The following USP7 variants were observed in gnomAD, a reference collection of about 807,000 sequenced individuals.
The protein encoded by USP7 is ubiquitin specific peptidase 7.
USP7 carries 9 observed loss-of-function variants against 162.9 expected under a neutral mutation model. That is an observed-to-expected ratio of 0.06 (90% confidence interval 0.03 to 0.10). USP7 has a LOEUF of 0.10. USP7 is among the 10% of genes least tolerant of loss of function. The probability of loss-of-function intolerance (pLI) is 1.00; values close to 1 mark genes in which losing one functional copy is unlikely to be tolerated. For missense variants in USP7, 715 were observed against 1,373.7 expected (o/e 0.52, Z 7.58); for synonymous variants, 562 against 475.9 (o/e 1.18, Z -2.35).
intron 1 of USP7, among the ~76,000 whole-genome samples, chr16:8,936,049 G>T (rs1898697612): frequency 6.6e-6 from 1 of 152,242 alleles, no homozygotes; most frequent in East Asian, 1.9e-4. Context: ...CAAAAAGCTG[G>T]CAGGGGGCGG....
At chr16:8,915,908 T>A (rs540345340) in intron 8 of USP7, among the ~76,000 whole-genome samples, 1 of 152,346 alleles carries the variant, frequency 6.6e-6, no homozygotes, top group East Asian at 1.9e-4. Context: ...GGTTTGTCCA[T>A]GGATATTTAA....
intron 1 of USP7, among the ~76,000 whole-genome samples, chr16:8,932,188 G>C (rs888271245): frequency 1.3e-5 from 2 of 152,084 alleles, no homozygotes; most frequent in Non-Finnish European, 2.9e-5. Context: ...CCAAGAAACA[G>C]GTATTACCAC....
At chr16:8,962,642 T>C (rs538872574) in intron 1 of USP7, 2 of 264,022 alleles carry the variant, frequency 7.6e-6, no homozygotes, top group South Asian at 3.2e-5. Flanking sequence ...GTCAGAACTC[T>C]GGGCCAGTCC....
At chr16:8,908,909 C>T (rs1048099638) in intron 11 of USP7, among the ~76,000 whole-genome samples, 11 of 152,238 alleles carry the variant, frequency 7.2e-5, no homozygotes, top group Non-Finnish European at 1.3e-4. Context: ...ATGAACACAA[C>T]TGATGAGTCG....
chr16:8,942,240 T>C (rs79753385), intron 1 of USP7, among the ~76,000 whole-genome samples: 1,833 of 152,336 alleles, frequency 0.012, 23 homozygotes, highest in African/African-American at 0.039. Flanking sequence ...AAGCCATCCA[T>C]GTCCTTGGGA....
intron 7 of USP7, 128 bp downstream of exon 7, chr16:8,916,898 T>C: frequency 2.7e-6 from 3 of 1,092,370 alleles, no homozygotes; most frequent in Non-Finnish European, 3.8e-6. Flanking sequence ...CACGATTAAA[T>C]GCTCAAGCCT....
In USP7 at chr16:8,930,385, T is replaced by C; in HGVS notation, c.92A>G (p.Asp31Gly). 1 of 1,610,420 alleles carries C rather than the reference T, an allele frequency of 6.2e-7. No individual in the cohort carries two copies. The highest frequency in any genetic ancestry group is 8.5e-7 in the Non-Finnish European group (1 of 1,178,338). The change falls in exon 2 of 31, where the codon GAT becomes GGT. Residue 31 changes from aspartate to glycine, a missense_variant. By Grantham distance (94) the Asp-to-Gly change is moderately conservative. Around this residue, in one of 11 missense-constraint regions of USP7, gnomAD observed 137 missense variants for 123.5 expected, o/e 1.11. Coordinates refer to ENST00000344836, the MANE Select transcript of USP7 (RefSeq NM_003470.3). ...EDMEMEAGDT[D>G]DPPRITQNPV... ...GTTCTGAGTAATTCTTGGTGGGTCATCTGTATCTCCCGCTTTAAAGAAGAA... is the reference window on the plus strand; with the variant it reads ...GTTCTGAGTAATTCTTGGTGGGTCACCTGTATCTCCCGCTTTAAAGAAGAA...
Position 8,918,928 on chromosome 16 carries a change from C to T in USP7, c.720+103G>A, listed in dbSNP as rs962439085. 3 of 1,141,146 alleles carry T rather than the reference C, an allele frequency of 2.6e-6. No individual in the cohort carries two copies. The East Asian group carries it at 7.1e-5, about 27-fold the overall frequency. The allele number at this position is 1,141,146 out of a possible 1,614,324, so 70.7% of individuals were successfully genotyped here. On this transcript the variant is annotated intron_variant, in intron 6 of 30. Transcript: ENST00000344836. ...CTAGCAGCCATCTGAGGAGACAGGGCCAGGGGAGGGAGACGCCATGTTTGT... is the reference window on the plus strand; with the variant it reads ...CTAGCAGCCATCTGAGGAGACAGGGTCAGGGGAGGGAGACGCCATGTTTGT...
At chr16:8,959,149 C>T (rs545333427) in intron 1 of USP7, among the ~76,000 whole-genome samples, 1 of 152,264 alleles carries the variant, frequency 6.6e-6, no homozygotes, top group Admixed American at 6.5e-5. Flanking sequence ...ACAACCTTGA[C>T]GGGCATGAAT....
chr16:8,915,020 G>A (rs1271541427), intron 10 of USP7, among the ~76,000 whole-genome samples: 1 of 152,190 alleles, frequency 6.6e-6, no homozygotes, highest in Admixed American at 6.5e-5. Flanking sequence ...TCCACGTGGT[G>A]GTTTCCTGTG....
chr16:8,904,283 T>C lies in USP7; in HGVS notation c.1704+152A>G, dbSNP rs537552086. ...AGTGACCCAAGGGGTCCCAGAGGAG[T>C]GGGGACTGACCTGCACTTGCGTACA... On this transcript the variant is annotated intron_variant, in intron 15 of 30. Transcript: ENST00000344836. The C allele has an allele frequency of 1.6e-4, 223 of 1,359,102 alleles. 3 individuals carry two copies. The South Asian group carries it at 2.1e-3, about 12-fold the overall frequency. 84.2% of individuals were successfully genotyped at this position (1,359,102 alleles called of 1,614,324 possible).
At chr16:8,952,985 T>A (rs1899627293) in intron 1 of USP7, among the ~76,000 whole-genome samples, 1 of 152,068 alleles carries the variant, frequency 6.6e-6, no homozygotes, top group Admixed American at 6.6e-5. Context: ...TACAGTCGCG[T>A]GTCACCATGC....
intron 25 of USP7, among the ~76,000 whole-genome samples, chr16:8,897,722 A>ACATATATATAT (rs71155415): frequency 8.3e-4 from 18 of 21,620 alleles, no homozygotes; most frequent in Admixed American, 1.9e-3. Flanking sequence ...AAAAAAAAAA[A>ACATATATATAT]AAAAATATAT....
chr16:8,918,966 G>C, intron 6 of USP7, 65 bp downstream of exon 6: 6 of 1,524,014 alleles, frequency 3.9e-6, no homozygotes, highest in Non-Finnish European at 5.5e-6. Flanking sequence ...AGAGGACTTT[G>C]CTCTGATATA....
chr16:8,902,310 G>C, intron 17 of USP7, 71 bp downstream of exon 17: 2 of 1,568,792 alleles, frequency 1.3e-6, no homozygotes, highest in Non-Finnish European at 1.7e-6. Context: ...AGGGAAACAA[G>C]CTGCACTAAG....
intron 1 of USP7, among the ~76,000 whole-genome samples, chr16:8,956,869 G>A (rs948175199): frequency 3.2e-4 from 48 of 152,012 alleles, no homozygotes; most frequent in Middle Eastern, 3.5e-3. Flanking sequence ...CATTATCCAC[G>A]AGGACTCCCA....
chr16:8,897,726 A>AAAAAAAAAAAAAAATAT (rs1555461671), intron 25 of USP7, among the ~76,000 whole-genome samples: 1 of 7,138 alleles, frequency 1.4e-4, no homozygotes. Context: ...AAAAAAAAAA[A>AAAAAAAAAAAAAAATAT]ATATATATAT....
chr16:8,959,658 T>C (rs1596421195), intron 1 of USP7, among the ~76,000 whole-genome samples: 1 of 152,360 alleles, frequency 6.6e-6, no homozygotes, highest in Non-Finnish European at 1.5e-5. Context: ...TTGACTTTTG[T>C]CTCGTTACAG....
At position 8,903,300 on chromosome 16, in the gene USP7, C is replaced by A. The variant is rs199609011; in HGVS notation, c.1807G>T (p.Ala603Ser). 1.1e-5 allele frequency: 17 copies of A among 1,613,954 alleles called. No individual in the cohort carries two copies. The highest frequency in any genetic ancestry group is 1.4e-5 in the Non-Finnish European group (17 of 1,179,916). The part of the protein sequence containing the change: ...VFKVLKNSSL[A>S]EFVQSLSQTM... ...TGAGAGAGGCTCTGAACAAACTCAG[C>A]AAGCGAGGAGTTCTTCAATACTTTG... Residue 603 changes from alanine to serine, a missense_variant, in exon 16 of 31, where the codon GCT (alanine) becomes TCT (serine). Physicochemically the swap from Ala to Ser is moderately conservative, Grantham distance 99. Transcript: ENST00000344836.
Sources: gnomAD v4.1 joint callset for allele counts (sites outside exome capture counted in the v4.1 genomes callset) on GRCh38, gnomAD v4.1.1 for gene constraint, gnomAD v4.1.1 regional missense constraint, MANE v1.5 for transcripts, NCBI Gene and HGNC (gene_info 2026-07-23, HGNC 2026-07-21) for gene names.